Variants in PPP3CC observed in about 807,000 individuals in gnomAD.
PPP3CC encodes protein phosphatase 3 catalytic subunit gamma.
PPP3CC carries 35 observed loss-of-function variants against 60.3 expected under a neutral mutation model. The ratio of observed to expected loss-of-function variants is 0.58; its 90% CI spans 0.44 to 0.77. PPP3CC has a LOEUF of 0.77. Among genes scored for constraint, PPP3CC ranks in the 30% least tolerant of loss-of-function variants. The probability of loss-of-function intolerance (pLI) is 0.00; values close to 1 mark genes in which losing one functional copy is unlikely to be tolerated. For missense variants in PPP3CC, 570 were observed against 628.9 expected (o/e 0.91, Z 1.00); for synonymous variants, 206 against 224.3 (o/e 0.92, Z 0.73).
chr8:22,462,014 C>T (rs1399007788), intron 1 of PPP3CC, among the ~76,000 whole-genome samples: 2 of 152,082 alleles, frequency 1.3e-5, no homozygotes, highest in African/African-American at 2.4e-5. Context: ...ATGGGAGGAT[C>T]GCATGAGGCC....
intron 1 of PPP3CC, among the ~76,000 whole-genome samples, chr8:22,464,968 G>T (rs908950720): frequency 1.3e-4 from 19 of 150,604 alleles, no homozygotes; most frequent in Middle Eastern, 3.5e-3. Flanking sequence ...AGAGACATTA[G>T]ACTCTCCCTT....
At chr8:22,505,024 A>ATTTTTT (rs34116717) in intron 4 of PPP3CC, among the ~76,000 whole-genome samples, 4 of 115,958 alleles carry the variant, frequency 3.4e-5, no homozygotes, top group Admixed American at 1.0e-4. Context: ...CCACGAACCT[A>ATTTTTT]TTTTTTTTTT....
At chr8:22,462,301 G>A (rs900080394) in intron 1 of PPP3CC, among the ~76,000 whole-genome samples, 5 of 152,232 alleles carry the variant, frequency 3.3e-5, no homozygotes, top group Admixed American at 6.5e-5. Context: ...AGTACATTGC[G>A]GTTTGGTTTG....
intron 1 of PPP3CC, among the ~76,000 whole-genome samples, chr8:22,463,743 T>C (rs1384804033): frequency 6.6e-6 from 1 of 152,140 alleles, no homozygotes; most frequent in Non-Finnish European, 1.5e-5. Flanking sequence ...TAAAATCCTT[T>C]TTTAGATAGC....
At position 22,522,703 on chromosome 8, in the gene PPP3CC, T is replaced by A; in HGVS notation, c.897T>A (p.Ile299=). The A allele has an allele frequency of 6.2e-7, 1 of 1,606,388 alleles. No homozygotes were observed. Among genetic ancestry groups the A allele is most frequent in the Non-Finnish European group, 8.5e-7 (1 of 1,173,152 alleles). The stretch of plus-strand genomic sequence containing the variant: ...AAGCCACAGGCTTTCCATCACTTAT[T>A]ACAATTTTCTCTGCCCCCAATTACC... ...KSQATGFPSL[I]TIFSAPNYLD... is the part of the protein sequence containing the mutation. The change falls in exon 8 of 14, where the codon ATT becomes ATA. Residue 299 remains isoleucine, a synonymous_variant. Transcript: ENST00000240139.
rs956991768 is a variant in PPP3CC at position 22,456,016 on chromosome 8, G to A, written c.49+14558G>A. ...TTTAATGTAACTTATTTAGCAGTGC[G>A]TGTTCATGATTGGCAAGGCAGGTGA... On this transcript the variant is annotated intron_variant, in intron 1 of 13. Coordinates refer to ENST00000240139, the MANE Select transcript of PPP3CC (RefSeq NM_005605.5). 4.6e-5 allele frequency among the ~76,000 whole-genome samples: 7 copies of A among 152,222 alleles called. No individual in the cohort carries two copies. In the East Asian group the frequency reaches 5.8e-4, roughly 13 times the overall value.
intron 1 of PPP3CC, among the ~76,000 whole-genome samples, chr8:22,453,870 T>C (rs1319920413): frequency 6.6e-6 from 1 of 152,126 alleles, no homozygotes; most frequent in Non-Finnish European, 1.5e-5. Flanking sequence ...TAAAAAATGG[T>C]CCACCTGTGG....
intron 4 of PPP3CC, among the ~76,000 whole-genome samples, chr8:22,503,643 A>G (rs1424274580): frequency 6.6e-6 from 1 of 152,124 alleles, no homozygotes; most frequent in Admixed American, 6.5e-5. Context: ...TTTTTGACAG[A>G]CTATTTTTAG....
At chr8:22,462,316 A>C (rs747146650) in intron 1 of PPP3CC, among the ~76,000 whole-genome samples, 2 of 152,156 alleles carry the variant, frequency 1.3e-5, no homozygotes, top group African/African-American at 2.4e-5. Context: ...GGTTTGGTTC[A>C]GTTTATCTGT....
intron 4 of PPP3CC, among the ~76,000 whole-genome samples, chr8:22,502,773 A>G (rs1204065618): frequency 6.6e-6 from 1 of 152,244 alleles, no homozygotes; most frequent in Non-Finnish European, 1.5e-5. Context: ...TTTGCAGAGC[A>G]TGTAAATGGT....
intron 1 of PPP3CC, among the ~76,000 whole-genome samples, chr8:22,445,716 A>T (rs1186260267): frequency 1.3e-5 from 2 of 152,220 alleles, no homozygotes; most frequent in African/African-American, 4.8e-5. Context: ...ACTTGATACA[A>T]TACCAACCCA....
chr8:22,522,923 G>C, intron 8 of PPP3CC, 174 bp downstream of exon 8: 2 of 534,492 alleles, frequency 3.7e-6, no homozygotes, highest in Non-Finnish European at 6.5e-6. Flanking sequence ...CTGCTGCTTG[G>C]TCTTTATCTC....
chr8:22,517,009 A>G lies in PPP3CC; in HGVS notation c.770+3577A>G, dbSNP rs139318003. On this transcript the variant is annotated intron_variant, in intron 6 of 13. Transcript: ENST00000240139. The stretch of plus-strand genomic sequence containing the variant: ...GTTATATATTAATTGGTGGGTGAAA[A>G]TGTTATGACCGGAGCCTCACAGGAA... 6.6e-5 allele frequency among the ~76,000 whole-genome samples: 10 copies of G among 152,304 alleles called. No homozygotes were observed. In the East Asian group the frequency reaches 1.5e-3, roughly 23 times the overall value.
Position 22,475,125 on chromosome 8 carries a change from T to C in PPP3CC, c.221T>C (p.Met74Thr). ...GCCATCCTGAGGCAAGAGAAGACTA[T>C]GATAGAAGTAGATGCTCCAATCACA... is the stretch of plus-strand genomic sequence containing the variant. ...GAAILRQEKTMIEVDAPITVC... is the reference protein window; with the variant it reads ...GAAILRQEKTTIEVDAPITVC... The change falls in exon 2 of 14, where the codon ATG becomes ACG. Residue 74 changes from methionine to threonine, a missense_variant. By Grantham distance (81) the Met-to-Thr change is moderately conservative. Transcript: ENST00000240139. 5 of 1,612,334 alleles carry C rather than the reference T, an allele frequency of 3.1e-6. No individual in the cohort carries two copies. The highest frequency in any genetic ancestry group is 4.2e-6 in the Non-Finnish European group (5 of 1,178,858).
chr8:22,521,148 C>A (rs993980427), intron 6 of PPP3CC, among the ~76,000 whole-genome samples: 14 of 152,112 alleles, frequency 9.2e-5, no homozygotes, highest in African/African-American at 3.1e-4. Context: ...AAGCTGGGTC[C>A]CAGGCTGGTT....
chr8:22,458,668 ACTAG>A (rs960479801), intron 1 of PPP3CC, among the ~76,000 whole-genome samples: 213 of 151,946 alleles, frequency 1.4e-3, no homozygotes, highest in African/African-American at 5.0e-3. Flanking sequence ...ATATATCACT[ACTAG>A]CTAGGATTTT....
chr8:22,490,252 C>G (rs1489694403), intron 3 of PPP3CC, among the ~76,000 whole-genome samples: 1 of 152,110 alleles, frequency 6.6e-6, no homozygotes, highest in African/African-American at 2.4e-5. Flanking sequence ...ACCTGGAAAG[C>G]TTGTGCAAAC....
chr8:22,492,241 T>TA lies in PPP3CC; in HGVS notation c.373-5749dup, dbSNP rs1221867356. Among the ~76,000 whole-genome samples the TA allele has an allele frequency of 2.0e-3, 281 of 141,436 alleles. 1 individual carries two copies. Among genetic ancestry groups the TA allele is most frequent in the African/African-American group, 5.1e-3 (199 of 38,682 alleles). The allele number at this position is 141,436 out of a possible 152,430, so 92.8% of individuals were successfully genotyped here. ...ATATCTAGATGTAGAAAAGATACAG[T>TA]AAAAAAAAAAAGAGAAAAAATGGAA... is the stretch of plus-strand genomic sequence containing the variant. On this transcript the variant is annotated intron_variant, in intron 3 of 13. Transcript: ENST00000240139.
intron 1 of PPP3CC, among the ~76,000 whole-genome samples, chr8:22,449,848 G>A (rs1447005961): frequency 2.0e-5 from 3 of 151,332 alleles, no homozygotes; most frequent in Admixed American, 6.6e-5. Flanking sequence ...CTATTTTGAT[G>A]ACTGTTATTT....
Sources: gnomAD v4.1 joint callset for allele counts (sites outside exome capture counted in the v4.1 genomes callset) on GRCh38, gnomAD v4.1.1 for gene constraint, MANE v1.5 for transcripts, NCBI Gene and HGNC (gene_info 2026-07-23, HGNC 2026-07-21) for gene names.